The following ARHGEF26 variants were observed in gnomAD, a reference collection of about 807,000 sequenced individuals.
The protein encoded by ARHGEF26 is Rho guanine nucleotide exchange factor 26, also known as Rho guanine nucleotide exchange factor (GEF) 26.
Under a neutral mutation model 89.4 loss-of-function variants are expected in ARHGEF26, and 59 were observed. The observed-to-expected ratio is 0.66, with a 90% CI of 0.54 to 0.82. ARHGEF26 has a LOEUF of 0.82. Ranked by LOEUF, ARHGEF26 falls within the 40% of genes least tolerant of loss-of-function variation. The pLI, the probability that ARHGEF26 is intolerant of heterozygous loss-of-function variation, is 0.00. For synonymous variants in ARHGEF26, 500 were observed against 428.4 expected (o/e 1.17, Z -2.06); for missense variants, 1,234 against 1,085.6 (o/e 1.14, Z -1.92).
chr3:154,146,511 A>G (rs771658441), intron 4 of ARHGEF26, among the ~76,000 whole-genome samples: 2 of 152,234 alleles, frequency 1.3e-5, no homozygotes, highest in African/African-American at 4.8e-5. Context: ...AGACAGCATC[A>G]TATCCATAGA....
intron 11 of ARHGEF26, among the ~76,000 whole-genome samples, chr3:154,228,136 ATTT>A (rs5853687): frequency 7.0e-6 from 1 of 143,614 alleles, no homozygotes. Context: ...GTCTTTGAGA[ATTT>A]TTTTTTTTTT....
At chr3:154,163,742 C>A (rs1012341524) in intron 6 of ARHGEF26, among the ~76,000 whole-genome samples, 2 of 152,304 alleles carry the variant, frequency 1.3e-5, no homozygotes, top group East Asian at 3.9e-4. Flanking sequence ...CTTATTTTCT[C>A]ATGGACATTG....
At chr3:154,222,122 C>T (rs1349036240) in intron 10 of ARHGEF26, among the ~76,000 whole-genome samples, 2 of 152,076 alleles carry the variant, frequency 1.3e-5, no homozygotes, top group African/African-American at 2.4e-5. Context: ...TACACCAAGA[C>T]GTTATAAAGT....
chr3:154,135,872 T>G (rs1718971055), intron 4 of ARHGEF26, among the ~76,000 whole-genome samples: 1 of 152,122 alleles, frequency 6.6e-6, no homozygotes, highest in South Asian at 2.1e-4. Context: ...CCCCTCCACC[T>G]CTCCAAGATC....
chr3:154,221,359 G>A (rs1414684453), intron 10 of ARHGEF26, among the ~76,000 whole-genome samples: 1 of 152,122 alleles, frequency 6.6e-6, no homozygotes, highest in Non-Finnish European at 1.5e-5. Context: ...TGGAGAAAAA[G>A]GCATTTTTAT....
At chr3:154,139,181 T>C (rs147558876) in intron 4 of ARHGEF26, among the ~76,000 whole-genome samples, 227 of 151,728 alleles carry the variant, frequency 1.5e-3, no homozygotes, top group African/African-American at 5.0e-3. Context: ...GTAAGAGGAG[T>C]TGGGATAAGG....
intron 10 of ARHGEF26, among the ~76,000 whole-genome samples, chr3:154,224,868 T>A (rs980106957): frequency 6.6e-6 from 1 of 152,256 alleles, no homozygotes; most frequent in African/African-American, 2.4e-5. Context: ...AAATCCTTTC[T>A]TAGCCTTCTC....
intron 14 of ARHGEF26, 148 bp downstream of exon 14, chr3:154,254,972 C>CT (rs1449606973): frequency 8.5e-6 from 6 of 703,258 alleles, no homozygotes; most frequent in Admixed American, 2.8e-5. Flanking sequence ...CTTCTCATCT[C>CT]TAAGGCTAAA....
chr3:154,171,510 G>A (rs1712437286), intron 6 of ARHGEF26, among the ~76,000 whole-genome samples: 1 of 152,122 alleles, frequency 6.6e-6, no homozygotes, highest in Non-Finnish European at 1.5e-5. Flanking sequence ...TATCCTCTGT[G>A]TTCCACCTGT....
Position 154,230,230 on chromosome 3 carries a change from G to A in ARHGEF26, c.2090+4220G>A, listed in dbSNP as rs141285838. ...TCAAAGTGCCACAAACAAAGTGAGT[G>A]GCTTAAAACAGTCAGAATTTATTGT... On this transcript the variant is annotated intron_variant, in intron 11 of 14. Transcript: ENST00000465093. Among the ~76,000 whole-genome samples the A allele has an allele frequency of 6.8e-3, 1,039 of 152,274 alleles. 10 individuals are homozygous for A. Among genetic ancestry groups the A allele is most frequent in the African/African-American group, 0.024 (984 of 41,538 alleles).
chr3:154,137,955 C>G (rs534215116), intron 4 of ARHGEF26, among the ~76,000 whole-genome samples: 4 of 152,264 alleles, frequency 2.6e-5, no homozygotes, highest in Admixed American at 2.6e-4. Context: ...CAATACTCTT[C>G]TGAAAATCCA....
At chr3:154,141,431 AACTC>A (rs1284963660) in intron 4 of ARHGEF26, among the ~76,000 whole-genome samples, 5 of 152,220 alleles carry the variant, frequency 3.3e-5, no homozygotes, top group Non-Finnish European at 5.9e-5. Context: ...GTGCTTAACT[AACTC>A]TGCTCCAGTC....
chr3:154,153,014 T>A, intron 6 of ARHGEF26, 82 bp downstream of exon 6: 1 of 1,237,220 alleles, frequency 8.1e-7, no homozygotes, highest in Non-Finnish European at 1.1e-6. Context: ...AGGAAGGCAT[T>A]TCTGGTTATC....
At chr3:154,142,348 G>T (rs1338478955) in intron 4 of ARHGEF26, among the ~76,000 whole-genome samples, 1 of 152,060 alleles carries the variant, frequency 6.6e-6, no homozygotes, top group South Asian at 2.1e-4. Context: ...GATTACAGGC[G>T]TGAGTCACTG....
intron 10 of ARHGEF26, among the ~76,000 whole-genome samples, chr3:154,222,744 T>G (rs890733949): frequency 2.6e-5 from 4 of 152,134 alleles, no homozygotes; most frequent in African/African-American, 9.7e-5. Flanking sequence ...GATAGGGCAG[T>G]GATGATAACT....
At chr3:154,163,143 G>T (rs1419417352) in intron 6 of ARHGEF26, among the ~76,000 whole-genome samples, 4 of 152,120 alleles carry the variant, frequency 2.6e-5, no homozygotes, top group Non-Finnish European at 5.9e-5. Context: ...AATATTAGAA[G>T]TGTTTTGAGT....
At chr3:154,251,105 TACC>T (rs1718120849) in intron 12 of ARHGEF26, among the ~76,000 whole-genome samples, 1 of 152,204 alleles carries the variant, frequency 6.6e-6, no homozygotes, top group South Asian at 2.1e-4. Context: ...TCTTTCAAGA[TACC>T]ACAGTTTCCA....
At chr3:154,189,551 A>G (rs146779905) in intron 7 of ARHGEF26, among the ~76,000 whole-genome samples, 1,616 of 152,042 alleles carry the variant, frequency 0.011, 23 homozygotes, top group African/African-American at 0.037. Flanking sequence ...ATTAGCCAGG[A>G]TGGTCTTGAT....
Position 154,256,562 on chromosome 3 carries a change from A to AAC in ARHGEF26, c.*1090_*1091insCA. 1 of 996,982 alleles carries AAC rather than the reference A, an allele frequency of 1.0e-6. No individual in the cohort carries two copies. The highest frequency in any genetic ancestry group is 4.8e-5 in the South Asian group (1 of 20,956). The allele number at this position is 996,982 out of a possible 1,614,324, so 61.8% of individuals were successfully genotyped here. A position where few individuals can be genotyped will look rare whatever the true frequency, so the allele number is the denominator to read the frequency against. On this transcript the variant is annotated 3_prime_UTR_variant, in exon 15 of 15. Transcript: ENST00000465093. ...TTCTAATTAATTAAAAAAAAAAAAA[A>AAC]AAAAAAAAAAAAACCTTCCCAAATG...
Sources: allele counts gnomAD v4.1 joint callset (sites outside exome capture counted in the v4.1 genomes callset), GRCh38; gene constraint gnomAD v4.1.1; transcripts MANE v1.5; gene names NCBI Gene and HGNC (gene_info 2026-07-23, HGNC 2026-07-21).